Variants in NAV3 observed in about 807,000 individuals in gnomAD.
NAV3 encodes pore membrane and/or filament interacting like protein 1.
NAV3 carries 87 observed loss-of-function variants against 244.7 expected under a neutral mutation model. The observed-to-expected ratio is 0.36, with a 90% CI of 0.30 to 0.42. NAV3 has a LOEUF of 0.42. NAV3 is among the 20% of genes least tolerant of loss of function. The probability of loss-of-function intolerance (pLI) is 1.00; values close to 1 mark genes in which losing one functional copy is unlikely to be tolerated. For missense variants in NAV3, 2,663 were observed against 2,893.3 expected, an observed-to-expected ratio of 0.92 and a Z score of 1.83; for synonymous variants, 1,126 against 1,042.2, an observed-to-expected ratio of 1.08 and a Z score of -1.55.
At chr12:77,572,522 G>C (rs1868874327) in intron 2 of NAV3, among the ~76,000 whole-genome samples, 1 of 152,130 alleles carries the variant, frequency 6.6e-6, no homozygotes, top group Admixed American at 6.5e-5. Flanking sequence ...CTTCATACTA[G>C]TGACCTGTTG....
intron 2 of NAV3, among the ~76,000 whole-genome samples, chr12:77,650,825 AG>A (rs2136989402): frequency 6.6e-6 from 1 of 152,240 alleles, no homozygotes; most frequent in Non-Finnish European, 1.5e-5. Context: ...TCATAGAGAA[AG>A]TCTTATTAAT....
chr12:78,119,518 G>A lies in NAV3; in HGVS notation c.3322G>A (p.Ala1108Thr), dbSNP rs775761567. The A allele has an allele frequency of 1.2e-6, 2 of 1,614,158 alleles. No individual in the cohort carries two copies. The highest frequency in any genetic ancestry group is 1.1e-5 in the South Asian group (1 of 91,088). Residue 1108 changes from alanine (A) to threonine (T), a missense_variant, in exon 15 of 40, where the codon GCA becomes ACA. By Grantham distance (58) the Ala-to-Thr change is moderately conservative (BLOSUM62 0). This residue lies in a region of NAV3 where 1,521 missense variants were observed against 1,497.0 expected (regional missense o/e 1.02). Coordinates refer to ENST00000397909, the MANE Select transcript of NAV3 (RefSeq NM_001024383.2). ...TGCTGCCATTGGCGGGAAGTCAAAT[G>A]CAGGGAGAAAAACCAGTTTGGACGG... is the stretch of plus-strand genomic sequence containing the variant. ...KSAAIGGKSN[A>T]GRKTSLDGSQ...
chr12:77,653,745 T>C (rs532980177), intron 2 of NAV3, among the ~76,000 whole-genome samples: 2 of 152,334 alleles, frequency 1.3e-5, no homozygotes, highest in East Asian at 1.9e-4. Context: ...CATAATGCTC[T>C]ATCTTTATAT....
At chr12:77,657,277 C>T (rs1592548903) in intron 2 of NAV3, among the ~76,000 whole-genome samples, 1 of 152,284 alleles carries the variant, frequency 6.6e-6, no homozygotes, top group East Asian at 1.9e-4. Flanking sequence ...AAGGGGATAT[C>T]ACCACCGATC....
intron 1 of NAV3, among the ~76,000 whole-genome samples, chr12:77,895,710 C>T (rs920128831): frequency 2.0e-5 from 3 of 149,140 alleles, no homozygotes; most frequent in Non-Finnish European, 4.4e-5. Flanking sequence ...CTACCCCATC[C>T]TCTACTACCA....
chr12:77,732,649 T>C (rs1455016764), intron 2 of NAV3, among the ~76,000 whole-genome samples: 2 of 152,042 alleles, frequency 1.3e-5, no homozygotes, highest in African/African-American at 2.4e-5. Flanking sequence ...CACAAATTGT[T>C]TTCATTCCCA....
chr12:77,633,605 G>GA (rs1169666023), intron 2 of NAV3, among the ~76,000 whole-genome samples: 1 of 151,938 alleles, frequency 6.6e-6, no homozygotes, highest in Non-Finnish European at 1.5e-5. Context: ...AATATTTAAG[G>GA]AAAAAACAAA....
chr12:77,585,726 A>G (rs1869574745), intron 2 of NAV3, among the ~76,000 whole-genome samples: 1 of 152,180 alleles, frequency 6.6e-6, no homozygotes, highest in Non-Finnish European at 1.5e-5. Context: ...CCTGTCACTC[A>G]GCTCCTGCTG....
chr12:77,706,732 G>T (rs778738493), intron 2 of NAV3, among the ~76,000 whole-genome samples: 2 of 150,336 alleles, frequency 1.3e-5, no homozygotes, highest in East Asian at 2.0e-4. Context: ...TTAGCAGGGC[G>T]TGGTGGCGGG....
At chr12:78,134,013 AT>A (rs891331523) in intron 18 of NAV3, among the ~76,000 whole-genome samples, 15 of 152,112 alleles carry the variant, frequency 9.9e-5, no homozygotes, top group African/African-American at 2.9e-4. Flanking sequence ...GCTCAGATTC[AT>A]TTTTCATCTT....
chr12:77,997,237 C>CAAAAA (rs139557569), intron 6 of NAV3, among the ~76,000 whole-genome samples: 8 of 78,734 alleles, frequency 1.0e-4, no homozygotes, highest in Admixed American at 1.5e-4. Context: ...CACCCTGTCT[C>CAAAAA]AAAAAAAAAA....
intron 9 of NAV3, among the ~76,000 whole-genome samples, chr12:78,044,524 T>G (rs1396221543): frequency 6.6e-6 from 1 of 152,234 alleles, no homozygotes; most frequent in Non-Finnish European, 1.5e-5. Context: ...CTTTGGGCAG[T>G]ATGACCATTT....
chr12:78,111,364 A>G (rs1955084190), intron 12 of NAV3, among the ~76,000 whole-genome samples: 1 of 152,156 alleles, frequency 6.6e-6, no homozygotes, highest in South Asian at 2.1e-4. Flanking sequence ...GCCATATAGA[A>G]TGAAATAAAA....
At chr12:77,761,161 C>T (rs946401173) in intron 2 of NAV3, among the ~76,000 whole-genome samples, 14 of 152,268 alleles carry the variant, frequency 9.2e-5, no homozygotes, top group African/African-American at 1.7e-4. Flanking sequence ...CACGTTCAAG[C>T]GATTCTCCTG....
chr12:77,802,460 T>A (rs1199322102), intron 2 of NAV3, among the ~76,000 whole-genome samples: 1 of 152,224 alleles, frequency 6.6e-6, no homozygotes, highest in Admixed American at 6.5e-5. Flanking sequence ...CAAGGTCATC[T>A]GTGACTTTTA....
chr12:78,153,324 T>C lies in NAV3; in HGVS notation c.4785+4405T>C, dbSNP rs572910924. Among the ~76,000 whole-genome samples the C allele has an allele frequency of 2.0e-5, 3 of 152,132 alleles. No individual in the cohort carries two copies. The South Asian group carries it at 6.2e-4, about 32-fold the overall frequency. On this transcript the variant is annotated intron_variant, in intron 22 of 39. Transcript: ENST00000397909. ...ATGTGTGTTAAGCCTTCCCTCCCTT[T>C]TGTAAAGTTGTTCTGAACAGAGCTG...
chr12:78,095,045 T>TTA (rs368659738), intron 12 of NAV3, among the ~76,000 whole-genome samples: 1,768 of 123,770 alleles, frequency 0.014, 26 homozygotes, highest in East Asian at 0.031. Flanking sequence ...CCATATCAAA[T>TTA]TATATATATA....
chr12:77,927,867 A>G (rs573198396), intron 1 of NAV3, among the ~76,000 whole-genome samples: 1 of 152,154 alleles, frequency 6.6e-6, no homozygotes, highest in East Asian at 1.9e-4. Context: ...AGAGTGTTTG[A>G]TTGACTGTCT....
At chr12:77,954,067 T>G (rs1398469212) in intron 3 of NAV3, among the ~76,000 whole-genome samples, 2 of 152,164 alleles carry the variant, frequency 1.3e-5, no homozygotes, top group Non-Finnish European at 2.9e-5. Context: ...CAGCATTCTT[T>G]CTTTTGCTTG....
Sources: allele counts gnomAD v4.1 joint callset (sites outside exome capture counted in the v4.1 genomes callset), GRCh38; gene constraint gnomAD v4.1.1; regional missense constraint gnomAD v4.1.1; transcripts MANE v1.5; gene names NCBI Gene and HGNC (gene_info 2026-07-23, HGNC 2026-07-21).